The following CLCN5 variants were observed in gnomAD, a reference collection of about 807,000 sequenced individuals.
CLCN5 encodes the protein Cl-/H+ antiporter 5.
A neutral mutation model predicts 54.0 loss-of-function variants in CLCN5; 17 were observed. The ratio of observed to expected loss-of-function variants is 0.31; its 90% confidence interval spans 0.22 to 0.47. CLCN5 has a LOEUF of 0.47. Ranked by LOEUF, CLCN5 falls within the 20% of genes least tolerant of loss-of-function variation. The pLI is 1.00. For synonymous variants in CLCN5, 222 were observed against 233.0 expected, an observed-to-expected ratio of 0.95 and a Z score of 0.43; for missense variants, 448 against 646.7, an observed-to-expected ratio of 0.69 and a Z score of 3.33.
At chrX:50,034,622 T>G (rs1019886503) in intron 3 of CLCN5, among the ~76,000 whole-genome samples, 2 of 111,734 alleles carry the variant, frequency 1.8e-5, no homozygotes, top group East Asian at 5.6e-4. Context: ...GCCCACCTGT[T>G]GTTTTATACA....
intron 3 of CLCN5, among the ~76,000 whole-genome samples, chrX:50,012,231 TC>T (rs1230234938): frequency 9.0e-6 from 1 of 111,490 alleles, no homozygotes; most frequent in African/African-American, 3.3e-5. Context: ...AAGGTGTGTC[TC>T]CCCTTACACA....
intron 9 of CLCN5, among the ~76,000 whole-genome samples, 192 bp downstream of exon 9, chrX:50,082,039 G>A (rs782617702): frequency 1.1e-4 from 12 of 111,571 alleles, no homozygotes; most frequent in African/African-American, 2.6e-4. Flanking sequence ...ATAGTGCAGC[G>A]TCTGTCAACA....
intron 4 of CLCN5, among the ~76,000 whole-genome samples, chrX:50,060,095 A>G (rs1482868449): frequency 3.7e-5 from 4 of 108,634 alleles, no homozygotes; most frequent in African/African-American, 1.0e-4. Flanking sequence ...CCCTCTTTGA[A>G]TGAGATAGAC....
chrX:50,013,564 G>T (rs782129789), intron 3 of CLCN5, among the ~76,000 whole-genome samples: 1 of 111,919 alleles, frequency 8.9e-6, no homozygotes, highest in East Asian at 2.8e-4. Flanking sequence ...CTCACATTGT[G>T]CATGCATGTG....
At chrX:50,069,782 C>CTGAT in intron 4 of CLCN5, 97 bp from the exon 5 acceptor site, 7 of 1,093,635 alleles carry the variant, frequency 6.4e-6, no homozygotes, top group Non-Finnish European at 7.1e-6. Context: ...CTGTAGTCAT[C>CTGAT]TGATAGTTTA....
At chrX:49,928,143 G>A (rs1925445054) in intron 3 of CLCN5, among the ~76,000 whole-genome samples, 1 of 112,211 alleles carries the variant, frequency 8.9e-6, no homozygotes, top group Non-Finnish European at 1.9e-5. Context: ...AAAATGGCTT[G>A]AAGTAAAAAA....
intron 3 of CLCN5, among the ~76,000 whole-genome samples, chrX:49,945,604 G>GTTTCTTTT (rs1926669661): frequency 5.6e-5 from 4 of 71,140 alleles, no homozygotes; most frequent in African/African-American, 2.2e-4. Context: ...CGCCCAGCTA[G>GTTTCTTTT]TTTTTTTTTT....
rs1934241514 is a variant in CLCN5, at chrX:50,095,727, CCAAGAT to C, written c.*3510_*3515del. On this transcript the variant is annotated 3_prime_UTR_variant, in exon 15 of 15. Transcript: ENST00000376091. ...TCTAAGGCCGTGAAGTAATTCACAA[CCAAGAT>C]CTTATGAACGCATTCAGATGTGAGG... The C allele has an allele frequency of 8.9e-6, 1 of 112,268 alleles. No homozygotes were observed. The highest frequency in any genetic ancestry group is 2.8e-4 in the East Asian group (1 of 3,598). The allele number at this position is 112,268 out of a possible 1,213,427, so 9.3% of individuals were successfully genotyped here.
At chrX:49,953,389 T>G (rs1927154217) in intron 3 of CLCN5, among the ~76,000 whole-genome samples, 1 of 111,846 alleles carries the variant, frequency 8.9e-6, no homozygotes, top group Non-Finnish European at 1.9e-5. Context: ...CATTGCAATC[T>G]TGACCACCTG....
intron 3 of CLCN5, among the ~76,000 whole-genome samples, chrX:49,929,161 C>T (rs781873703): frequency 8.1e-5 from 9 of 111,173 alleles, no homozygotes; most frequent in African/African-American, 2.6e-4. Flanking sequence ...TACAGGAGCC[C>T]AAATCTCCTT....
At chrX:49,990,836 A>AAG (rs1557178861) in intron 3 of CLCN5, among the ~76,000 whole-genome samples, 1,384 of 112,488 alleles carry the variant, frequency 0.012, 16 homozygotes, top group African/African-American at 0.042. Flanking sequence ...AACTTTACTT[A>AAG]GAATAATGGT....
At chrX:49,980,132 A>G (rs1164457602) in intron 3 of CLCN5, among the ~76,000 whole-genome samples, 10 of 111,211 alleles carry the variant, frequency 9.0e-5, no homozygotes, top group Non-Finnish European at 1.9e-4. Context: ...ATGTCTATAT[A>G]TGTCTCCCTT....
intron 11 of CLCN5, 60 bp downstream of exon 11, chrX:50,086,930 A>C (rs1323932435): frequency 9.5e-7 from 1 of 1,049,081 alleles, no homozygotes; most frequent in Admixed American, 2.2e-5. Flanking sequence ...TGGAGGGCAG[A>C]GCCCAGGTAT....
chrX:50,052,707 CAAT>C (rs1378596914), intron 4 of CLCN5, among the ~76,000 whole-genome samples: 4 of 110,672 alleles, frequency 3.6e-5, no homozygotes, highest in African/African-American at 1.3e-4. Flanking sequence ...ATTTTTGATT[CAAT>C]AATAATAATA....
intron 4 of CLCN5, among the ~76,000 whole-genome samples, chrX:50,052,767 G>A (rs1932627635): frequency 9.0e-6 from 1 of 111,728 alleles, no homozygotes; most frequent in Non-Finnish European, 1.9e-5. Context: ...CACGATGATA[G>A]TTAATAATAA....
At chrX:49,969,992 A>G (rs1345345760) in intron 3 of CLCN5, among the ~76,000 whole-genome samples, 1 of 111,263 alleles carries the variant, frequency 9.0e-6, no homozygotes, top group Non-Finnish European at 1.9e-5. Context: ...TTCTAATATC[A>G]TGACATGACC....
chrX:49,946,895 C>CT (rs1926782110), intron 3 of CLCN5, among the ~76,000 whole-genome samples: 1 of 110,041 alleles, frequency 9.1e-6, no homozygotes, highest in African/African-American at 3.3e-5. Flanking sequence ...ATGGCGTGAT[C>CT]TCGGCTCACC....
intron 4 of CLCN5, among the ~76,000 whole-genome samples, chrX:50,064,262 C>A (rs782197999): frequency 1.3e-4 from 14 of 110,113 alleles, no homozygotes; most frequent in African/African-American, 4.7e-4. Context: ...TATAAAACCC[C>A]GTCGTCTCAG....
chrX:50,050,657 CT>C (rs1161956431), intron 4 of CLCN5, among the ~76,000 whole-genome samples: 1,108 of 61,176 alleles, frequency 0.018, 9 homozygotes, highest in African/African-American at 0.074. Context: ...GTCTTCTTGG[CT>C]TTTTTTTTTT....
Sources: gnomAD v4.1 joint callset for allele counts (sites outside exome capture counted in the v4.1 genomes callset) on GRCh38, gnomAD v4.1.1 for gene constraint, MANE v1.5 for transcripts, NCBI Gene and HGNC (gene_info 2026-07-23, HGNC 2026-07-21) for gene names.